Variants in KIAA1328 observed in about 807,000 individuals in gnomAD.
The protein encoded by KIAA1328 is KIAA1328.
KIAA1328 carries 52 observed loss-of-function variants against 68.1 expected under a neutral mutation model. The observed-to-expected ratio is 0.76, with a 90% CI of 0.61 to 0.96. The LOEUF (loss-of-function observed/expected upper bound fraction) is 0.96, where lower values mean the gene tolerates loss of function less well. KIAA1328 is among the 40% of genes least tolerant of loss of function. KIAA1328 has a pLI of 0.00. For synonymous variants in KIAA1328, 232 were observed against 239.4 expected (o/e 0.97, Z 0.28); for missense variants, 641 against 677.6 (o/e 0.95, Z 0.60).
chr18:37,228,870 A>G (rs138542651), downstream of KIAA1328, among the ~76,000 whole-genome samples: 12 of 152,292 alleles, frequency 7.9e-5, no homozygotes, highest in East Asian at 2.3e-3. Context: ...GGCTCAGATG[A>G]TCCTTAGCAA....
intron 5 of KIAA1328, among the ~76,000 whole-genome samples, chr18:36,941,612 A>G (rs1049585084): frequency 2.0e-5 from 3 of 152,142 alleles, no homozygotes; most frequent in Admixed American, 6.5e-5. Context: ...ATAAATAAAC[A>G]TGTATATAAA....
At chr18:37,068,565 T>G (rs1485451714) in intron 7 of KIAA1328, among the ~76,000 whole-genome samples, 1 of 152,228 alleles carries the variant, frequency 6.6e-6, no homozygotes, top group Non-Finnish European at 1.5e-5. Context: ...TGCATTTCAC[T>G]AATGGCTAGT....
At chr18:36,986,652 A>C (rs2052940565) in intron 6 of KIAA1328, among the ~76,000 whole-genome samples, 1 of 18,416 alleles carries the variant, frequency 5.4e-5, no homozygotes, top group African/African-American at 1.9e-4. Context: ...AAAACAAACA[A>C]CCCCATCAAA....
intron 7 of KIAA1328, among the ~76,000 whole-genome samples, chr18:37,148,049 G>A (rs752359215): frequency 6.6e-6 from 1 of 151,988 alleles, no homozygotes; most frequent in Admixed American, 6.6e-5. Flanking sequence ...TGCCATGGTG[G>A]TTTGCTGCAC....
intron 9 of KIAA1328, among the ~76,000 whole-genome samples, chr18:37,181,785 T>C (rs2059703193): frequency 6.6e-6 from 1 of 152,214 alleles, no homozygotes; most frequent in Non-Finnish European, 1.5e-5. Context: ...ACCTAAGTTC[T>C]GGGTGAGGAG....
intron 5 of KIAA1328, among the ~76,000 whole-genome samples, chr18:36,936,594 T>C (rs1308237943): frequency 1.3e-5 from 2 of 152,206 alleles, no homozygotes; most frequent in Non-Finnish European, 2.9e-5. Flanking sequence ...TGTGTCTTTA[T>C]AGTAGAATGA....
intron 6 of KIAA1328, among the ~76,000 whole-genome samples, chr18:36,965,921 A>C (rs1598843375): frequency 6.6e-6 from 1 of 151,960 alleles, no homozygotes. Flanking sequence ...TTGACAAAAA[A>C]AAAAACCAAA....
intron 7 of KIAA1328, among the ~76,000 whole-genome samples, chr18:37,110,245 T>A (rs906390886): frequency 3.9e-5 from 6 of 152,060 alleles, no homozygotes; most frequent in African/African-American, 9.7e-5. Flanking sequence ...GAAAAAAAAA[T>A]CTGTAAATGT....
intron 9 of KIAA1328, among the ~76,000 whole-genome samples, chr18:37,192,671 G>A (rs924998770): frequency 6.6e-6 from 1 of 152,136 alleles, no homozygotes; most frequent in Non-Finnish European, 1.5e-5. Context: ...GGATCTGTAA[G>A]TTTCACTTAT....
chr18:37,046,254 C>T (rs2055464945), intron 6 of KIAA1328, among the ~76,000 whole-genome samples: 1 of 152,130 alleles, frequency 6.6e-6, no homozygotes, highest in African/African-American at 2.4e-5. Flanking sequence ...AACAGTCTGG[C>T]TGTTATCATT....
chr18:36,967,816 C>T (rs1056978882), intron 6 of KIAA1328, among the ~76,000 whole-genome samples: 3 of 151,874 alleles, frequency 2.0e-5, no homozygotes, highest in Admixed American at 1.3e-4. Flanking sequence ...GTTGAACAGG[C>T]AAGGAGCAAC....
intron 6 of KIAA1328, among the ~76,000 whole-genome samples, chr18:36,984,880 T>C (rs2052847101): frequency 8.2e-6 from 1 of 122,024 alleles, no homozygotes; most frequent in African/African-American, 3.2e-5. Context: ...CATTCCAGCC[T>C]GGAGACAGAG....
Position 37,173,941 on chromosome 18 carries a change from A to T in KIAA1328, c.1523+860A>T, listed in dbSNP as rs544050441. 1.0e-3 allele frequency among the ~76,000 whole-genome samples: 155 copies of T among 152,336 alleles called. 2 individuals are homozygous for T. Among genetic ancestry groups the T allele is most frequent in the African/African-American group, 3.7e-3 (153 of 41,576 alleles). On this transcript the variant is annotated intron_variant, in intron 9 of 9. Coordinates refer to ENST00000280020, the MANE Select transcript of KIAA1328 (RefSeq NM_020776.3). ...TCCACAGAAGCCAAACCTAGGAAAC[A>T]GTGTGTTCATCGTATTTTGGCTCTT...
intron 6 of KIAA1328, among the ~76,000 whole-genome samples, chr18:36,960,090 A>G (rs549769759): frequency 4.6e-5 from 7 of 152,324 alleles, no homozygotes; most frequent in African/African-American, 1.7e-4. Flanking sequence ...CTGGAAAAAC[A>G]GGACACTTCC....
At chr18:37,086,759 G>A (rs2057116534) in intron 7 of KIAA1328, among the ~76,000 whole-genome samples, 1 of 152,146 alleles carries the variant, frequency 6.6e-6, no homozygotes, top group East Asian at 1.9e-4. Flanking sequence ...CTAGTTTCTA[G>A]TATTGCCATT....
At chr18:37,200,331 T>C (rs574772391) in intron 9 of KIAA1328, among the ~76,000 whole-genome samples, 3 of 152,330 alleles carry the variant, frequency 2.0e-5, no homozygotes, top group African/African-American at 7.2e-5. Flanking sequence ...TAACATCGAA[T>C]AGTGATTGAC....
chr18:36,871,705 AG>A (rs893098940), intron 4 of KIAA1328, among the ~76,000 whole-genome samples: 43 of 152,140 alleles, frequency 2.8e-4, no homozygotes, highest in African/African-American at 1.0e-3. Context: ...AGAGACCGCA[AG>A]CCTAGGACAT....
chr18:36,860,520 T>C (rs2047530290), intron 4 of KIAA1328, among the ~76,000 whole-genome samples: 1 of 152,196 alleles, frequency 6.6e-6, no homozygotes, highest in Non-Finnish European at 1.5e-5. Flanking sequence ...CATTCTTGAC[T>C]AATCACAGTC....
At chr18:36,890,258 C>A (rs2048638100) in intron 5 of KIAA1328, among the ~76,000 whole-genome samples, 1 of 149,626 alleles carries the variant, frequency 6.7e-6, no homozygotes, top group Non-Finnish European at 1.5e-5. Context: ...AGCAAAATCA[C>A]CTTTATTTGC....
Sources: allele counts gnomAD v4.1 joint callset (sites outside exome capture counted in the v4.1 genomes callset), GRCh38; gene constraint gnomAD v4.1.1; transcripts MANE v1.5; gene names NCBI Gene and HGNC (gene_info 2026-07-23, HGNC 2026-07-21).